RAD51C: variants seen among roughly 807,000 people sequenced by gnomAD.
RAD51C encodes RAD51 paralog C.
Under a neutral mutation model 45.0 loss-of-function variants are expected in RAD51C, and 42 were observed. The ratio of observed to expected loss-of-function variants is 0.93; its 90% confidence interval spans 0.73 to 1.21. The LOEUF (loss-of-function observed/expected upper bound fraction) is 1.21, where lower values mean the gene tolerates loss of function less well. Ranked by LOEUF, RAD51C falls within the 50% of genes most tolerant of loss-of-function variation. RAD51C has a pLI of 0.00. For missense variants in RAD51C, 474 were observed against 452.2 expected, an observed-to-expected ratio of 1.05 and a Z score of -0.44; for synonymous variants, 172 against 159.8, an observed-to-expected ratio of 1.08 and a Z score of -0.58.
intron 5 of RAD51C, among the ~76,000 whole-genome samples, chr17:58,712,688 C>T (rs970007596): frequency 2.6e-5 from 4 of 151,752 alleles, no homozygotes; most frequent in Admixed American, 2.0e-4. Context: ...GGCTTGATGG[C>T]GGGCGCCTGT....
At chr17:58,705,185 G>A (rs1340323358) in intron 4 of RAD51C, among the ~76,000 whole-genome samples, 1 of 151,910 alleles carries the variant, frequency 6.6e-6, no homozygotes, top group Non-Finnish European at 1.5e-5. Context: ...TTTTCTTAGA[G>A]TTCTGGAGCC....
At chr17:58,717,243 C>T (rs146051359) in intron 5 of RAD51C, among the ~76,000 whole-genome samples, 1 of 152,078 alleles carries the variant, frequency 6.6e-6, no homozygotes, top group East Asian at 1.9e-4. Flanking sequence ...CCTGTTTCTA[C>T]AAATAATTTA....
chr17:58,706,655 C>A, intron 4 of RAD51C: 1 of 283,400 alleles, frequency 3.5e-6, no homozygotes, highest in South Asian at 3.2e-5. Context: ...TGGCACCATT[C>A]TTTCCTTTTC....
intron 5 of RAD51C, among the ~76,000 whole-genome samples, chr17:58,710,276 T>C (rs184339470): frequency 1.8e-4 from 27 of 148,102 alleles, no homozygotes; most frequent in African/African-American, 6.5e-4. Flanking sequence ...GGTCAGGAGT[T>C]TGAGACCACC....
intron 7 of RAD51C, among the ~76,000 whole-genome samples, chr17:58,731,164 TATTC>T (rs2049403454): frequency 6.6e-6 from 1 of 152,222 alleles, no homozygotes; most frequent in Non-Finnish European, 1.5e-5. Context: ...ACATTTTGTT[TATTC>T]ATCTGTGGAT....
At chr17:58,702,170 A>AT (rs1247656352) in intron 3 of RAD51C, among the ~76,000 whole-genome samples, 2 of 151,582 alleles carry the variant, frequency 1.3e-5, no homozygotes, top group African/African-American at 2.4e-5. Context: ...TAATTTCTGT[A>AT]TTTTTTGCAG....
At chr17:58,725,998 C>CAAA (rs1329097091) in intron 7 of RAD51C, among the ~76,000 whole-genome samples, 4 of 48,556 alleles carry the variant, frequency 8.2e-5, no homozygotes, top group Non-Finnish European at 8.8e-5. Context: ...CCACCCCCTG[C>CAAA]AAAAAAAAAA....
intron 5 of RAD51C, among the ~76,000 whole-genome samples, chr17:58,715,227 G>A (rs1037354549): frequency 6.6e-6 from 1 of 151,964 alleles, no homozygotes; most frequent in Non-Finnish European, 1.5e-5. Context: ...CAAGGTGGGT[G>A]GATCACCTGA....
chr17:58,729,296 C>T (rs942098719), intron 7 of RAD51C, among the ~76,000 whole-genome samples: 1 of 152,182 alleles, frequency 6.6e-6, no homozygotes, highest in Non-Finnish European at 1.5e-5. Flanking sequence ...CAGCTCACTA[C>T]AACCTCGGCC....
intron 4 of RAD51C, 94 bp downstream of exon 4, chr17:58,703,423 A>G (rs1304744953): frequency 2.9e-6 from 4 of 1,380,640 alleles, no homozygotes; most frequent in Non-Finnish European, 4.0e-6. Flanking sequence ...CATAAAATCA[A>G]AGTCAAAGCC....
chr17:58,701,290 C>T (rs922733227), intron 3 of RAD51C, among the ~76,000 whole-genome samples: 1 of 151,800 alleles, frequency 6.6e-6, no homozygotes, highest in Admixed American at 6.6e-5. Context: ...AGGCAGATCA[C>T]GAGGTCAGGA....
intron 7 of RAD51C, among the ~76,000 whole-genome samples, chr17:58,724,696 G>A (rs2049052804): frequency 6.6e-6 from 1 of 152,082 alleles, no homozygotes; most frequent in Non-Finnish European, 1.5e-5. Context: ...TGCTGAGCAA[G>A]TGAACAAACC....
intron 5 of RAD51C, among the ~76,000 whole-genome samples, chr17:58,710,443 G>A (rs996125572): frequency 4.6e-5 from 7 of 151,054 alleles, no homozygotes; most frequent in Admixed American, 1.3e-4. Flanking sequence ...GGTTACAGTG[G>A]GTGGAGAACG....
In RAD51C at chr17:58,720,781, T is replaced by G. The variant is rs1288802398; in HGVS notation, c.873T>G (p.Asp291Glu). The G allele has an allele frequency of 3.1e-6, 5 of 1,612,752 alleles. No homozygotes were observed. Among genetic ancestry groups the G allele is most frequent in the Middle Eastern group, 1.7e-4 (1 of 5,888 alleles). ...CCAATCAGATGACAACAAAGATTGA[T>G]AGAAATCAGGCCTTGCTTGTTCCTG... Reference protein sequence around the residue: ...ILTNQMTTKIDRNQALLVPAL... With the variant: ...ILTNQMTTKIERNQALLVPAL... The change falls in exon 6 of 9, where the codon GAT becomes GAG. Residue 291 changes from aspartate (D) to glutamate (E), a missense_variant. Physicochemically the swap from Asp to Glu is conservative, Grantham distance 45. Coordinates refer to ENST00000337432, the MANE Select transcript of RAD51C (RefSeq NM_058216.3).
rs1427126090 is a variant in RAD51C at position 58,693,064 on chromosome 17, G to A, written c.145+276G>A. 1.1e-5 allele frequency: 5 copies of A among 464,660 alleles called. No homozygotes were observed. In the Admixed American group the frequency reaches 1.8e-4, roughly 16 times the overall value. 28.8% of individuals were successfully genotyped at this position (464,660 alleles called of 1,614,324 possible). On this transcript the variant is annotated intron_variant, in intron 1 of 8. Coordinates refer to ENST00000337432, the MANE Select transcript of RAD51C (RefSeq NM_058216.3). ...CTCATTTAACCCTCAACCCGCTTAC[G>A]TAGATTATTATATTCAGTATATGGA...
At chr17:58,720,450 G>T (rs925002948) in intron 5 of RAD51C, among the ~76,000 whole-genome samples, 1 of 151,434 alleles carries the variant, frequency 6.6e-6, no homozygotes, top group African/African-American at 2.4e-5. Context: ...AAAATCACAA[G>T]ACTGTTTACT....
At chr17:58,723,243 G>A (rs1362899747) in intron 6 of RAD51C, among the ~76,000 whole-genome samples, 1 of 151,480 alleles carries the variant, frequency 6.6e-6, no homozygotes. Context: ...TCATTTCCTT[G>A]CACTGTGTCT....
intron 5 of RAD51C, among the ~76,000 whole-genome samples, chr17:58,712,745 G>A (rs190925382): frequency 1.6e-4 from 25 of 152,094 alleles, no homozygotes; most frequent in Admixed American, 9.8e-4. Flanking sequence ...GCATGAACCC[G>A]GGAGGCGGAG....
chr17:58,722,811 A>G (rs2048966657), intron 6 of RAD51C, among the ~76,000 whole-genome samples: 1 of 152,000 alleles, frequency 6.6e-6, no homozygotes, highest in Non-Finnish European at 1.5e-5. Flanking sequence ...TCTCATTCCT[A>G]CCCTCCTGAT....
Sources: allele counts gnomAD v4.1 joint callset (sites outside exome capture counted in the v4.1 genomes callset), GRCh38; gene constraint gnomAD v4.1.1; transcripts MANE v1.5; gene names NCBI Gene and HGNC (gene_info 2026-07-23, HGNC 2026-07-21).